The following PXMP2 variants were observed in gnomAD, a reference collection of about 807,000 sequenced individuals.
PXMP2 encodes the protein 22 kDa peroxisomal membrane protein.
In PXMP2, 13 loss-of-function variants were observed where a neutral mutation model predicts 20.2. The ratio of observed to expected loss-of-function variants is 0.64; its 90% CI spans 0.42 to 1.02. PXMP2 has a LOEUF of 1.02. Ranked by LOEUF, PXMP2 falls within the 50% of genes least tolerant of loss-of-function variation. PXMP2 has a pLI of 0.00. For synonymous variants in PXMP2, 113 were observed against 111.2 expected (o/e 1.02, Z -0.10); for missense variants, 284 against 251.8 (o/e 1.13, Z -0.87).
At chr12:132,702,451 C>A in intron 4 of PXMP2, 1 of 397,546 alleles carries the variant, frequency 2.5e-6, no homozygotes. Flanking sequence ...GGACCACTCC[C>A]ACACTGGGAG....
intron 3 of PXMP2, among the ~76,000 whole-genome samples, chr12:132,697,162 G>A (rs1012074220): frequency 1.3e-5 from 2 of 151,864 alleles, no homozygotes; most frequent in African/African-American, 4.8e-5. Flanking sequence ...ATGTGCACCT[G>A]TAGTTCCAGC....
At position 132,704,874 on chromosome 12, in the gene PXMP2, T is replaced by C; in HGVS notation, c.*187T>C. On this transcript the variant is annotated 3_prime_UTR_variant, in exon 5 of 5. Transcript: ENST00000317479. ...AGAACCCTGTCTTTTAAAAAGGCAGTCGCTGCCTTCAGGTGGTGCTGCCCC... is the reference window on the plus strand; with the variant it reads ...AGAACCCTGTCTTTTAAAAAGGCAGCCGCTGCCTTCAGGTGGTGCTGCCCC... The C allele has an allele frequency of 1.5e-6, 1 of 660,132 alleles. No individual in the cohort carries two copies. Among genetic ancestry groups the C allele is most frequent in the Non-Finnish European group, 2.7e-6 (1 of 374,032 alleles). 40.9% of individuals were successfully genotyped at this position (660,132 alleles called of 1,614,324 possible). A position where few individuals can be genotyped will look rare whatever the true frequency, so the allele number is the denominator to read the frequency against.
chr12:132,698,747 C>T (rs1179628515), intron 3 of PXMP2, among the ~76,000 whole-genome samples: 3 of 152,160 alleles, frequency 2.0e-5, no homozygotes, highest in Middle Eastern at 3.2e-3. Context: ...ATGTCTCAGC[C>T]TCCAGAGTAG....
At position 132,695,901 on chromosome 12, in the gene PXMP2, C is replaced by T. The variant is rs778533797; in HGVS notation, c.254C>T (p.Pro85Leu). ...YAVYGFFFTG[P>L]LSHFFYFFME... Reference sequence around the variant, plus strand: ...GGCCTCAGGTTCTTCTTCACAGGGCCGCTGAGTCACTTCTTCTACTTCTTC... The same window carrying T: ...GGCCTCAGGTTCTTCTTCACAGGGCTGCTGAGTCACTTCTTCTACTTCTTC... Residue 85 changes from proline (P) to leucine (L), a missense_variant, in exon 3 of 5, where the codon CCG becomes CTG. Pro to Leu is a moderately conservative substitution (Grantham distance 98). Coordinates refer to ENST00000317479, the MANE Select transcript of PXMP2 (RefSeq NM_018663.3). 21 of 1,607,064 alleles carry T rather than the reference C, an allele frequency of 1.3e-5. 1 individual carries two copies. The highest frequency in any genetic ancestry group is 4.5e-5 in the East Asian group (2 of 44,622).
chr12:132,693,775 GCCCTTGCCAGTTAGTTAGTTAGCT>G (rs2043388761), intron 2 of PXMP2, among the ~76,000 whole-genome samples: 9 of 94,236 alleles, frequency 9.6e-5, no homozygotes, highest in African/African-American at 3.6e-4. Context: ...GTTAGTGAGC[GCCCTTGCCAGTTAGTTAGTTAGCT>G]CCCTTAGCCA....
At chr12:132,690,572 T>A (rs7398002) in intron 2 of PXMP2, among the ~76,000 whole-genome samples, 196 bp downstream of exon 2, 1 of 107,416 alleles carries the variant, frequency 9.3e-6, no homozygotes, top group African/African-American at 3.2e-5. Context: ...GTTTTTTTTG[T>A]TTTTTCTTTT....
intron 4 of PXMP2, among the ~76,000 whole-genome samples, chr12:132,704,293 G>A (rs545147369): frequency 6.6e-6 from 1 of 152,284 alleles, no homozygotes; most frequent in South Asian, 2.1e-4. Context: ...CCTGCATGAT[G>A]GCTGGTCCTG....
intron 3 of PXMP2, among the ~76,000 whole-genome samples, chr12:132,700,380 C>G (rs150568923): frequency 6.6e-6 from 1 of 152,066 alleles, no homozygotes; most frequent in Non-Finnish European, 1.5e-5. Flanking sequence ...TTCTGACTCG[C>G]GTGAGGTGGT....
At chr12:132,702,476 C>A in intron 4 of PXMP2, 1 of 411,142 alleles carries the variant, frequency 2.4e-6, no homozygotes, top group South Asian at 1.7e-5. Flanking sequence ...GGGTGCAGCA[C>A]CCCCTGCAGC....
At chr12:132,690,433 G>A in intron 2 of PXMP2, 57 bp downstream of exon 2, 1 of 1,367,274 alleles carries the variant, frequency 7.3e-7, no homozygotes, top group South Asian at 1.2e-5. Context: ...AACCAAGCTG[G>A]GCACCAAAAC....
chr12:132,697,228 T>G (rs2136064940), intron 3 of PXMP2, among the ~76,000 whole-genome samples: 1 of 151,822 alleles, frequency 6.6e-6, no homozygotes, highest in African/African-American at 2.4e-5. Flanking sequence ...GAGGCTGCAG[T>G]GAGCAGAGAT....
chr12:132,702,559 C>G (rs776168769), intron 4 of PXMP2: 12 of 287,014 alleles, frequency 4.2e-5, no homozygotes, highest in South Asian at 3.1e-4. Context: ...TTCCCTCCCC[C>G]AGAAGGTATG....
chr12:132,690,324 G>A lies in PXMP2; in HGVS notation c.184G>A (p.Glu62Lys). The change falls in exon 2 of 5, where the codon GAA becomes AAA. Residue 62 changes from glutamate to lysine, a missense_variant. Glu to Lys is a moderately conservative substitution (Grantham distance 56). Transcript: ENST00000317479. Reference protein sequence around the residue: ...AQMIEKKRKKENSRSLDVGGP... With the variant: ...AQMIEKKRKKKNSRSLDVGGP... ...GATGATTGAGAAGAAGCGGAAAAAA[G>A]AAAACTCTAGAAGTCTGGATGTCGG... 6.2e-7 allele frequency: 1 copy of A among 1,614,084 alleles called. No homozygotes were observed.
chr12:132,690,133 G>A (rs751750998), intron 1 of PXMP2, 130 bp from the exon 2 acceptor site: 7 of 690,026 alleles, frequency 1.0e-5, no homozygotes, highest in African/African-American at 3.6e-5. Flanking sequence ...CATTGCAGCC[G>A]CTTTAACAAG....
intron 2 of PXMP2, 69 bp downstream of exon 2, chr12:132,690,445 G>A (rs1294956265): frequency 2.9e-5 from 32 of 1,089,162 alleles, no homozygotes; most frequent in South Asian, 5.5e-5. Flanking sequence ...CACCAAAACC[G>A]AGTAGTTGGA....
At chr12:132,687,919 G>A (rs2043318464) in intron 1 of PXMP2, 127 bp downstream of exon 1, 1 of 934,678 alleles carries the variant, frequency 1.1e-6, no homozygotes, top group Non-Finnish European at 1.3e-6. Context: ...CCCCGGAGCG[G>A]GCGCCCTCCG....
At chr12:132,688,663 C>G (rs1593101892) in intron 1 of PXMP2, among the ~76,000 whole-genome samples, 1 of 28,610 alleles carries the variant, frequency 3.5e-5, no homozygotes, top group East Asian at 6.8e-4. Context: ...AGCGGGTCTG[C>G]GGGGCACGGG....
In PXMP2 at chr12:132,704,644, C is replaced by A; in HGVS notation, c.545C>A (p.Ala182Glu). ...TTCCGGGTGCTCTTCGCCAACCTGG[C>A]AGCTCTGTTCTGGTATGCCTACCTG... Reference protein sequence around the residue: ...LKFRVLFANLAALFWYAYLAS... With the variant: ...LKFRVLFANLEALFWYAYLAS... The change falls in exon 5 of 5, where the codon GCA (alanine) becomes GAA (glutamate). Residue 182 changes from alanine (A) to glutamate (E), a missense_variant. Transcript: ENST00000317479. 6.7e-7 allele frequency: 1 copy of A among 1,482,566 alleles called. No individual in the cohort carries two copies. Among genetic ancestry groups the A allele is most frequent in the Non-Finnish European group, 9.0e-7 (1 of 1,110,970 alleles). 91.8% of individuals were successfully genotyped at this position (1,482,566 alleles called of 1,614,324 possible).
At position 132,690,321 on chromosome 12, in the gene PXMP2, A is replaced by G; in HGVS notation, c.181A>G (p.Lys61Glu). The G allele has an allele frequency of 6.2e-7, 1 of 1,614,064 alleles. No homozygotes were observed. ...LAQMIEKKRK[K>E]ENSRSLDVGG... ...CCAGATGATTGAGAAGAAGCGGAAA[A>G]AAGAAAACTCTAGAAGTCTGGATGT... Residue 61 changes from lysine (K) to glutamate (E), a missense_variant, in exon 2 of 5, where the codon AAA becomes GAA. By Grantham distance (56) the Lys-to-Glu change is moderately conservative. Coordinates refer to ENST00000317479, the MANE Select transcript of PXMP2 (RefSeq NM_018663.3).
Sources: gnomAD v4.1 joint callset for allele counts (sites outside exome capture counted in the v4.1 genomes callset) on GRCh38, gnomAD v4.1.1 for gene constraint, MANE v1.5 for transcripts, NCBI Gene and HGNC (gene_info 2026-07-23, HGNC 2026-07-21) for gene names.